The following DPP10 variants were observed in gnomAD, a reference collection of about 807,000 sequenced individuals.
The protein encoded by DPP10 is inactive dipeptidyl peptidase 10.
A neutral mutation model predicts 120.9 loss-of-function variants in DPP10; 33 were observed. The ratio of observed to expected loss-of-function variants is 0.27; its 90% confidence interval spans 0.21 to 0.37. The LOEUF (loss-of-function observed/expected upper bound fraction) is 0.37. Among genes scored for constraint, DPP10 ranks in the 10% least tolerant of loss-of-function variants. The pLI is 1.00. For missense variants in DPP10, 816 were observed against 942.8 expected (o/e 0.87, Z 1.76); for synonymous variants, 337 against 326.1 (o/e 1.03, Z -0.36).
chr2:114,812,694 C>T (rs548487124), intron 1 of DPP10, among the ~76,000 whole-genome samples: 7 of 151,376 alleles, frequency 4.6e-5, no homozygotes, highest in South Asian at 2.1e-4. Context: ...CCTCCTACTC[C>T]GACTTTCACC....
At chr2:115,237,531 T>C (rs1283253257) in intron 1 of DPP10, among the ~76,000 whole-genome samples, 1 of 152,082 alleles carries the variant, frequency 6.6e-6, no homozygotes, top group African/African-American at 2.4e-5. Context: ...TCTCTCAATA[T>C]AAATCAAAAG....
At chr2:115,673,693 G>A (rs966970623) in intron 5 of DPP10, among the ~76,000 whole-genome samples, 33 of 152,124 alleles carry the variant, frequency 2.2e-4, no homozygotes, top group East Asian at 1.9e-4. Context: ...TATGGACTAG[G>A]TGTGATATTT....
At chr2:115,245,970 G>C (rs2058515768) in intron 1 of DPP10, among the ~76,000 whole-genome samples, 1 of 151,974 alleles carries the variant, frequency 6.6e-6, no homozygotes, top group Admixed American at 6.6e-5. Context: ...GGTTTGATTA[G>C]AAAAACATAT....
At chr2:114,618,442 T>G (rs1453654779) in intron 1 of DPP10, among the ~76,000 whole-genome samples, 5 of 151,944 alleles carry the variant, frequency 3.3e-5, no homozygotes, top group Non-Finnish European at 7.4e-5. Context: ...GTGGTTACCA[T>G]CATACAGATA....
intron 5 of DPP10, among the ~76,000 whole-genome samples, chr2:115,624,402 C>T (rs1319072176): frequency 2.0e-5 from 3 of 152,028 alleles, no homozygotes; most frequent in Non-Finnish European, 4.4e-5. Context: ...TGTCAAGCCC[C>T]CCAAAAGGCA....
At chr2:115,477,847 GTAAT>G (rs762447287) in intron 3 of DPP10, among the ~76,000 whole-genome samples, 1 of 152,158 alleles carries the variant, frequency 6.6e-6, no homozygotes, top group Non-Finnish European at 1.5e-5. Flanking sequence ...CTGAGGCTGG[GTAAT>G]TTATAAGGAA....
intron 1 of DPP10, among the ~76,000 whole-genome samples, chr2:114,931,495 C>T (rs534316999): frequency 6.6e-6 from 1 of 152,176 alleles, no homozygotes; most frequent in Admixed American, 6.5e-5. Flanking sequence ...ATGAGGACTG[C>T]ACTGAGCCAG....
intron 1 of DPP10, chr2:115,161,814 C>A (rs1244014610): frequency 3.9e-6 from 3 of 774,522 alleles, no homozygotes; most frequent in African/African-American, 1.9e-5. Flanking sequence ...TTCTTCCCCT[C>A]CCCGCCCCTC....
intron 1 of DPP10, among the ~76,000 whole-genome samples, chr2:115,084,413 A>G (rs1708524783): frequency 6.6e-6 from 1 of 152,188 alleles, no homozygotes; most frequent in Non-Finnish European, 1.5e-5. Flanking sequence ...AACTCATTCT[A>G]TTGCCTCAGG....
At chr2:114,807,307 G>A (rs148943160) in intron 1 of DPP10, among the ~76,000 whole-genome samples, 10 of 152,092 alleles carry the variant, frequency 6.6e-5, no homozygotes, top group East Asian at 1.9e-4. Flanking sequence ...TGGGGGGTAC[G>A]TCTTACATTT....
chr2:115,248,099 C>T (rs1442786364), intron 1 of DPP10, among the ~76,000 whole-genome samples: 1 of 152,184 alleles, frequency 6.6e-6, no homozygotes, highest in East Asian at 1.9e-4. Flanking sequence ...GTACTGATGT[C>T]ATCTCCATTA....
intron 4 of DPP10, among the ~76,000 whole-genome samples, chr2:115,502,577 A>G (rs905959216): frequency 1.3e-5 from 2 of 152,200 alleles, no homozygotes; most frequent in African/African-American, 2.4e-5. Context: ...ACCACGGCTG[A>G]AAATACCGGC....
intron 1 of DPP10, among the ~76,000 whole-genome samples, chr2:114,867,935 C>G (rs1393459668): frequency 1.3e-5 from 2 of 152,188 alleles, no homozygotes; most frequent in African/African-American, 4.8e-5. Context: ...TTGATTAGAT[C>G]TGAATATGGA....
At position 115,597,073 on chromosome 2, in the gene DPP10, C is replaced by T. The variant is rs532971787; in HGVS notation, c.441+71101C>T. Among the ~76,000 whole-genome samples the T allele has an allele frequency of 1.1e-3, 171 of 152,258 alleles. 1 individual carries two copies. Among genetic ancestry groups the T allele is most frequent in the African/African-American group, 4.0e-3 (166 of 41,550 alleles). On this transcript the variant is annotated intron_variant, in intron 5 of 25. Transcript: ENST00000410059. ...AGCAGGCACAGCTGGAAGTAAAACG[C>T]ATATCCCTCAGAATCAAGGATCCCA...
chr2:115,325,656 A>T (rs2062317096), intron 2 of DPP10, among the ~76,000 whole-genome samples: 2 of 152,198 alleles, frequency 1.3e-5, no homozygotes, highest in African/African-American at 4.8e-5. Context: ...GTATTAATTT[A>T]TTTAAGATGA....
chr2:115,535,670 G>A (rs1231072563), intron 5 of DPP10, among the ~76,000 whole-genome samples: 17 of 150,678 alleles, frequency 1.1e-4, no homozygotes, highest in Admixed American at 4.0e-4. Flanking sequence ...GTAGCTTGAT[G>A]GGGATGGCAT....
chr2:115,480,844 TTCTC>T (rs1269682361), intron 3 of DPP10, among the ~76,000 whole-genome samples: 2 of 152,186 alleles, frequency 1.3e-5, no homozygotes, highest in Non-Finnish European at 2.9e-5. Context: ...GAGACATCTG[TTCTC>T]TCTGATTCTT....
chr2:115,057,174 T>C (rs764514313), intron 1 of DPP10, among the ~76,000 whole-genome samples: 4 of 152,196 alleles, frequency 2.6e-5, no homozygotes, highest in Non-Finnish European at 5.9e-5. Flanking sequence ...CTCTCTTAGA[T>C]ATGAGCTAAA....
At chr2:114,775,849 T>C (rs1201258340) in intron 1 of DPP10, among the ~76,000 whole-genome samples, 1 of 152,188 alleles carries the variant, frequency 6.6e-6, no homozygotes, top group African/African-American at 2.4e-5. Context: ...TTCAAGCCTC[T>C]GGCAATACAA....
Sources: allele counts gnomAD v4.1 joint callset (sites outside exome capture counted in the v4.1 genomes callset), GRCh38; gene constraint gnomAD v4.1.1; transcripts MANE v1.5; gene names NCBI Gene and HGNC (gene_info 2026-07-23, HGNC 2026-07-21).